Variants in ERBB4 observed in about 807,000 individuals in gnomAD.
ERBB4 encodes erb-b2 receptor tyrosine kinase 4.
ERBB4 carries 42 observed loss-of-function variants against 158.0 expected under a neutral mutation model. The observed-to-expected ratio is 0.27, with a 90% CI of 0.21 to 0.34. The LOEUF is 0.34. ERBB4 is among the 10% of genes least tolerant of loss of function. The pLI is 1.00. For missense variants in ERBB4, 1,333 were observed against 1,624.1 expected, an observed-to-expected ratio of 0.82 and a Z score of 3.08; for synonymous variants, 583 against 558.7, an observed-to-expected ratio of 1.04 and a Z score of -0.61.
At chr2:211,480,264 T>C (rs1442590416) in intron 20 of ERBB4, among the ~76,000 whole-genome samples, 1 of 152,152 alleles carries the variant, frequency 6.6e-6, no homozygotes, top group African/African-American at 2.4e-5. Context: ...TTTCTTAGTA[T>C]AGTATCTTGG....
At position 212,104,005 on chromosome 2, in the gene ERBB4, A is replaced by G. The variant is rs143709612; in HGVS notation, c.234+20747T>C. 5.1e-4 allele frequency among the ~76,000 whole-genome samples: 77 copies of G among 152,204 alleles called. No homozygotes were observed. In the East Asian group the frequency reaches 0.014, roughly 29 times the overall value. ...ATTAAATGGTCCTTAAGAATTGGGA[A>G]GGAATTACTCAACCAAAAACAGTTA... On this transcript the variant is annotated intron_variant, in intron 2 of 27. Transcript: ENST00000342788.
chr2:212,190,550 A>AAAAAGAAG (rs540372658), intron 1 of ERBB4, among the ~76,000 whole-genome samples: 3 of 146,924 alleles, frequency 2.0e-5, no homozygotes, highest in Non-Finnish European at 3.0e-5. Flanking sequence ...AAAAAAAAAA[A>AAAAAGAAG]AAGAAGAAGA....
chr2:212,376,744 T>C (rs539614970), intron 1 of ERBB4, among the ~76,000 whole-genome samples: 2 of 152,172 alleles, frequency 1.3e-5, no homozygotes, highest in South Asian at 4.1e-4. Flanking sequence ...TTTTTAGGAA[T>C]GGACTAAATG....
Position 212,371,269 on chromosome 2 carries a change from C to T in ERBB4, c.82+167180G>A, listed in dbSNP as rs372420673. Among the ~76,000 whole-genome samples the T allele has an allele frequency of 2.0e-5, 3 of 152,306 alleles. No homozygotes were observed. The South Asian group carries it at 6.2e-4, about 32-fold the overall frequency. ...GTACTTTCATATTTAAGCATCAAAA[C>T]TCCATTGTTACATTATAACAAATGG... On this transcript the variant is annotated intron_variant, in intron 1 of 27. Coordinates refer to ENST00000342788, the MANE Select transcript of ERBB4 (RefSeq NM_005235.3).
chr2:211,996,212 G>C (rs2082196706), intron 2 of ERBB4, among the ~76,000 whole-genome samples: 1 of 151,300 alleles, frequency 6.6e-6, no homozygotes, highest in South Asian at 2.1e-4. Flanking sequence ...ATAGAATTTT[G>C]TCATTTGTCA....
intron 20 of ERBB4, among the ~76,000 whole-genome samples, chr2:211,520,219 T>G (rs368223441): frequency 6.6e-6 from 1 of 152,280 alleles, no homozygotes; most frequent in East Asian, 1.9e-4. Context: ...TTTTGTTTCA[T>G]ACGGGGTGTT....
intron 3 of ERBB4, among the ~76,000 whole-genome samples, chr2:211,900,184 C>T (rs917324828): frequency 3.9e-5 from 6 of 152,058 alleles, no homozygotes; most frequent in African/African-American, 1.4e-4. Context: ...ATACGAGGCT[C>T]ATTTACGAAG....
intron 13 of ERBB4, among the ~76,000 whole-genome samples, chr2:211,675,896 C>A (rs528512121): frequency 6.7e-6 from 1 of 149,468 alleles, no homozygotes; most frequent in Non-Finnish European, 1.5e-5. Flanking sequence ...TCTATTTAAC[C>A]ATTTAATCAA....
intron 5 of ERBB4, among the ~76,000 whole-genome samples, chr2:211,725,716 C>T (rs969617987): frequency 6.6e-5 from 10 of 151,982 alleles, no homozygotes; most frequent in African/African-American, 2.4e-4. Flanking sequence ...ATAGTAAGGT[C>T]CTAGTAGAAG....
At chr2:211,489,770 T>TATTC (rs60793660) in intron 20 of ERBB4, among the ~76,000 whole-genome samples, 41,845 of 151,328 alleles carry the variant, frequency 0.28, 5,967 homozygotes, top group East Asian at 0.38. Flanking sequence ...AGTACTAATG[T>TATTC]ATTCATTCAT....
intron 1 of ERBB4, among the ~76,000 whole-genome samples, chr2:212,316,489 C>T (rs2087285154): frequency 6.6e-6 from 1 of 151,490 alleles, no homozygotes; most frequent in East Asian, 2.0e-4. Context: ...TGGCATTCAT[C>T]AAGCTGCATG....
chr2:211,827,482 C>T (rs1027630748), intron 3 of ERBB4, among the ~76,000 whole-genome samples: 5 of 151,740 alleles, frequency 3.3e-5, no homozygotes, highest in Non-Finnish European at 7.4e-5. Context: ...GAAATAAAAG[C>T]CTTCTGTTTG....
At chr2:211,829,843 T>C (rs1264727273) in intron 3 of ERBB4, among the ~76,000 whole-genome samples, 1 of 152,164 alleles carries the variant, frequency 6.6e-6, no homozygotes, top group Admixed American at 6.6e-5. Context: ...TATTTACAAA[T>C]TTAAAATGGA....
intron 1 of ERBB4, among the ~76,000 whole-genome samples, chr2:212,491,798 C>A (rs1376528049): frequency 2.6e-5 from 4 of 151,418 alleles, no homozygotes; most frequent in Admixed American, 1.3e-4. Context: ...TATTTTATCA[C>A]CCTAAGCAAT....
At chr2:212,086,051 T>C (rs904990434) in intron 2 of ERBB4, among the ~76,000 whole-genome samples, 2 of 151,832 alleles carry the variant, frequency 1.3e-5, no homozygotes, top group South Asian at 2.1e-4. Flanking sequence ...ATGGTTACGG[T>C]TGGAATTGCT....
intron 2 of ERBB4, among the ~76,000 whole-genome samples, chr2:212,095,024 CG>C (rs2078887885): frequency 6.6e-6 from 1 of 151,756 alleles, no homozygotes; most frequent in Non-Finnish European, 1.5e-5. Flanking sequence ...TTCTTTTCTA[CG>C]TAAACATCAA....
intron 1 of ERBB4, among the ~76,000 whole-genome samples, chr2:212,294,281 T>C (rs2086328019): frequency 6.6e-6 from 1 of 152,068 alleles, no homozygotes; most frequent in Non-Finnish European, 1.5e-5. Context: ...CTATTTATTT[T>C]ATTTGAAATA....
intron 2 of ERBB4, among the ~76,000 whole-genome samples, chr2:212,080,389 G>A (rs114878658): frequency 1.0e-3 from 151 of 150,878 alleles, no homozygotes; most frequent in African/African-American, 3.5e-3. Context: ...AAACAGAATA[G>A]GCAAGAAAAA....
At chr2:211,792,842 G>T (rs2076306087) in intron 3 of ERBB4, among the ~76,000 whole-genome samples, 1 of 151,800 alleles carries the variant, frequency 6.6e-6, no homozygotes, top group African/African-American at 2.4e-5. Flanking sequence ...GGAAATGTTT[G>T]TGTTATTTAA....
Sources: allele counts gnomAD v4.1 joint callset (sites outside exome capture counted in the v4.1 genomes callset), GRCh38; gene constraint gnomAD v4.1.1; transcripts MANE v1.5; gene names NCBI Gene and HGNC (gene_info 2026-07-23, HGNC 2026-07-21).